Variants in OPTN observed in about 807,000 individuals in gnomAD.
The protein encoded by OPTN is E3-14.7K-interacting protein.
A neutral mutation model predicts 70.4 loss-of-function variants in OPTN; 54 were observed. The observed-to-expected ratio is 0.77, with a 90% CI of 0.62 to 0.96. The LOEUF is 0.96. Ranked by LOEUF, OPTN falls within the 40% of genes least tolerant of loss-of-function variation. OPTN has a pLI of 0.00. For missense variants in OPTN, 624 were observed against 673.2 expected, an observed-to-expected ratio of 0.93 and a Z score of 0.81; for synonymous variants, 256 against 248.5, an observed-to-expected ratio of 1.03 and a Z score of -0.28.
intron 7 of OPTN, among the ~76,000 whole-genome samples, chr10:13,119,714 G>C (rs779201216): frequency 2.0e-5 from 3 of 152,132 alleles, no homozygotes; most frequent in South Asian, 2.1e-4. Flanking sequence ...ACCAACACTT[G>C]TTTCTTACTG....
chr10:13,103,364 C>G (rs1200288838), intron 1 of OPTN, among the ~76,000 whole-genome samples: 2 of 152,190 alleles, frequency 1.3e-5, no homozygotes, highest in East Asian at 3.8e-4. Flanking sequence ...ACGAATACTT[C>G]ATTAGCAAAT....
chr10:13,137,092 A>T lies in OPTN; in HGVS notation c.*226A>T, dbSNP rs908182330. The T allele has an allele frequency of 3.7e-6, 2 of 539,574 alleles. No individual in the cohort carries two copies. The highest frequency in any genetic ancestry group is 1.9e-5 in the African/African-American group (1 of 53,076). 33.4% of individuals were successfully genotyped at this position (539,574 alleles called of 1,614,324 possible). ...GTCAGGGTTTGAGACCAGCCTGGCC[A>T]ACATGGCGGAACCCTGTCTCTACCA... On this transcript the variant is annotated 3_prime_UTR_variant, in exon 15 of 15. Coordinates refer to ENST00000378747, the MANE Select transcript of OPTN (RefSeq NM_001008212.2).
At chr10:13,105,418 A>C (rs1832844332) in intron 1 of OPTN, among the ~76,000 whole-genome samples, 1 of 152,248 alleles carries the variant, frequency 6.6e-6, no homozygotes, top group Non-Finnish European at 1.5e-5. Context: ...ACTAGAGGTC[A>C]TGTGACTTCC....
chr10:13,118,392 C>T (rs1398690613), intron 6 of OPTN, among the ~76,000 whole-genome samples: 1 of 152,212 alleles, frequency 6.6e-6, no homozygotes, highest in African/African-American at 2.4e-5. Context: ...GCCTCCATTT[C>T]TCTGCTCTCA....
intron 8 of OPTN, chr10:13,122,952 G>C (rs1287763096): frequency 1.5e-5 from 3 of 198,036 alleles, no homozygotes; most frequent in African/African-American, 6.9e-5. Flanking sequence ...TGGGATTACA[G>C]ATATGAGCCA....
Position 13,125,521 on chromosome 10 carries a change from ATGC to A in OPTN, c.1104_1106del (p.Met368_Leu369delinsIle), listed in dbSNP as rs1833439085. On this transcript the variant is annotated inframe_deletion, in exon 10 of 15. Coordinates refer to ENST00000378747, the MANE Select transcript of OPTN (RefSeq NM_001008212.2). ...AAAGTTAGAGCTACAAGTGGAAAGC[ATGC>A]TATCAGAAATCAAAATGGAACAGGC... is the stretch of plus-strand genomic sequence containing the variant. 1 of 1,614,110 alleles carries A rather than the reference ATGC, an allele frequency of 6.2e-7. No homozygotes were observed. Among genetic ancestry groups the A allele is most frequent in the African/African-American group, 1.3e-5 (1 of 74,952 alleles).
chr10:13,120,166 T>G (rs2131508229), intron 7 of OPTN, among the ~76,000 whole-genome samples: 1 of 151,678 alleles, frequency 6.6e-6, no homozygotes, highest in African/African-American at 2.4e-5. Flanking sequence ...TTTTTTGTAT[T>G]TTTAGTAGAG....
intron 7 of OPTN, among the ~76,000 whole-genome samples, 199 bp downstream of exon 7, chr10:13,119,239 C>T (rs1416130493): frequency 6.6e-6 from 1 of 152,188 alleles, no homozygotes; most frequent in African/African-American, 2.4e-5. Flanking sequence ...TCTGCTCCTC[C>T]AAGCAATGTG....
At chr10:13,106,330 A>G (rs1832863978) in intron 1 of OPTN, among the ~76,000 whole-genome samples, 1 of 152,256 alleles carries the variant, frequency 6.6e-6, no homozygotes, top group Non-Finnish European at 1.5e-5. Flanking sequence ...AGAAAATTAG[A>G]AACTGATGGT....
intron 8 of OPTN, 144 bp from the exon 9 acceptor site, chr10:13,123,851 A>G (rs990709659): frequency 1.5e-5 from 10 of 677,610 alleles, no homozygotes; most frequent in Non-Finnish European, 2.4e-5. Flanking sequence ...TTCCTACACA[A>G]TGTTTGGGGT....
chr10:13,137,276 C>A lies in OPTN; in HGVS notation c.*410C>A. 6.4e-6 allele frequency: 2 copies of A among 314,958 alleles called. No homozygotes were observed. Among genetic ancestry groups the A allele is most frequent in the Non-Finnish European group, 1.2e-5 (2 of 166,744 alleles). The allele number at this position is 314,958 out of a possible 1,614,324, so 19.5% of individuals were successfully genotyped here. On this transcript the variant is annotated 3_prime_UTR_variant, in exon 15 of 15. Coordinates refer to ENST00000378747, the MANE Select transcript of OPTN (RefSeq NM_001008212.2). Reference sequence around the variant, plus strand: ...CCTGGGTGACAGAGGGAGACTCTGTCTCGAAAGAAAGAAAGAAAAAAAGGA... The same window carrying A: ...CCTGGGTGACAGAGGGAGACTCTGTATCGAAAGAAAGAAAGAAAAAAAGGA...
chr10:13,108,878 ACACGCACACACACACATGCACACATG>A (rs1037665266), intron 2 of OPTN: 2 of 513,500 alleles, frequency 3.9e-6, no homozygotes. Context: ...CCATACACAC[ACACGCACACACACACATGCACACATG>A]CGCGTGCACA....
chr10:13,116,914 G>A (rs1833221258), intron 6 of OPTN, among the ~76,000 whole-genome samples: 1 of 152,084 alleles, frequency 6.6e-6, no homozygotes, highest in Non-Finnish European at 1.5e-5. Context: ...CTTAAATAGT[G>A]GCAGGGCCTT....
At chr10:13,110,003 A>G (rs1564355400) in intron 3 of OPTN, among the ~76,000 whole-genome samples, 1 of 152,140 alleles carries the variant, frequency 6.6e-6, no homozygotes, top group Non-Finnish European at 1.5e-5. Context: ...CCTAGTAACC[A>G]TAGATATTTA....
chr10:13,116,122 C>A, intron 5 of OPTN, 145 bp from the exon 6 acceptor site: 1 of 694,020 alleles, frequency 1.4e-6, no homozygotes, highest in Non-Finnish European at 2.6e-6. Flanking sequence ...TGAGCCACCC[C>A]GTTTAAACAG....
chr10:13,116,378 C>G (rs1245638770), intron 6 of OPTN, 38 bp downstream of exon 6: 1 of 1,486,770 alleles, frequency 6.7e-7, no homozygotes, highest in African/African-American at 1.4e-5. Flanking sequence ...GGCAGACAGG[C>G]TGGGCAGGCT....
At chr10:13,107,584 T>C (rs1407148038) in intron 1 of OPTN, among the ~76,000 whole-genome samples, 1 of 151,612 alleles carries the variant, frequency 6.6e-6, no homozygotes, top group Non-Finnish European at 1.5e-5. Context: ...GGTTTCACCG[T>C]GTTAGCCAGG....
intron 12 of OPTN, 76 bp from the exon 13 acceptor site, chr10:13,131,991 C>A: frequency 6.9e-7 from 1 of 1,454,664 alleles, no homozygotes; most frequent in Non-Finnish European, 9.6e-7. Flanking sequence ...ACAGCACTAC[C>A]TCCTCATCGC....
chr10:13,116,565 G>T (rs1414313639), intron 6 of OPTN: 8 of 581,410 alleles, frequency 1.4e-5, no homozygotes, highest in Non-Finnish European at 1.6e-5. Context: ...TGACTGCTCT[G>T]TTCTAGTGGT....
Sources: allele counts gnomAD v4.1 joint callset (sites outside exome capture counted in the v4.1 genomes callset), GRCh38; gene constraint gnomAD v4.1.1; transcripts MANE v1.5; gene names NCBI Gene and HGNC (gene_info 2026-07-23, HGNC 2026-07-21).